Variants in CARD14 observed in about 807,000 individuals in gnomAD.
The protein encoded by CARD14 is caspase recruitment domain family member 14.
In CARD14, 107 loss-of-function variants were observed where a neutral mutation model predicts 111.5. The observed-to-expected ratio is 0.96, with a 90% confidence interval of 0.82 to 1.13. The LOEUF (loss-of-function observed/expected upper bound fraction) is 1.13. CARD14 is among the 50% of genes most tolerant of loss of function. The pLI is 0.00. For missense variants in CARD14, 1,322 were observed against 1,362.3 expected (o/e 0.97, Z 0.47); for synonymous variants, 617 against 579.6 (o/e 1.06, Z -0.93).
chr17:80,195,477 C>A lies in CARD14; in HGVS notation c.1500-81C>A, dbSNP rs2040678201. 1.3e-6 allele frequency: 2 copies of A among 1,512,642 alleles called. No homozygotes were observed. The highest frequency in any genetic ancestry group is 2.0e-5 in the Admixed American group (1 of 50,788). 93.7% of individuals were successfully genotyped at this position (1,512,642 alleles called of 1,614,324 possible). ...CTCGAAGCCCCAGAGCTGGCAGGTG[C>A]TGGGGGCCAGTGCTTGGGGCGTGGG... is the stretch of plus-strand genomic sequence containing the variant. On this transcript the variant is annotated intron_variant, in intron 13 of 23. Coordinates refer to ENST00000648509, the MANE Select transcript of CARD14 (RefSeq NM_001366385.1). This position sits in a 1 kb window ranked among gnomAD's most constrained non-coding sequence, Gnocchi z 4.7.
intron 7 of CARD14, among the ~76,000 whole-genome samples, chr17:80,186,947 AAC>A (rs1370811947): frequency 1.3e-5 from 2 of 152,214 alleles, no homozygotes; most frequent in Non-Finnish European, 2.9e-5. Context: ...AGAGCTAGGA[AAC>A]ACACACACAT....
In CARD14 at chr17:80,184,162, G is replaced by A. The variant is rs114688446; in HGVS notation, c.599G>A (p.Ser200Asn). ...EVLRLKDEMLSLSLHYSNALQ... is the reference protein window; with the variant it reads ...EVLRLKDEMLNLSLHYSNALQ... ...CTGAGGCTGAAGGACGAGATGCTCA[G>A]CCTCTCGCTGCACTATAGCAATGCG... is the stretch of plus-strand genomic sequence containing the variant. Residue 200 changes from serine to asparagine, a missense_variant, in exon 7 of 24, where the codon AGC becomes AAC. Physicochemically the swap from Ser to Asn is conservative, Grantham distance 46. Coordinates refer to ENST00000648509, the MANE Select transcript of CARD14 (RefSeq NM_001366385.1). The A allele has an allele frequency of 7.4e-3, 11,565 of 1,563,970 alleles. 74 individuals are homozygous for A. The highest frequency in any genetic ancestry group is 8.2e-3 in the South Asian group (693 of 84,802).
In CARD14 at chr17:80,205,602, G is replaced by C; in HGVS notation, c.2641G>C (p.Gly881Arg). ...CATCATCCAGGAGGGAGAGGTGTCC[G>C]GGGGCCGCTGCTGGGTGACCCGCCA... ...GDIIQEGEVS[G>R]GRCWVTRHAV... is the part of the protein sequence containing the mutation. Residue 881 changes from glycine to arginine, a missense_variant, in exon 22 of 24, where the codon GGG becomes CGG. Gly to Arg is a moderately radical substitution (Grantham distance 125). Coordinates refer to ENST00000648509, the MANE Select transcript of CARD14 (RefSeq NM_001366385.1). The C allele has an allele frequency of 1.3e-6, 2 of 1,568,974 alleles. No homozygotes were observed. The highest frequency in any genetic ancestry group is 1.7e-6 in the Non-Finnish European group (2 of 1,156,288).
chr17:80,204,424 G>A (rs1268681753), intron 20 of CARD14, 83 bp downstream of exon 20: 2 of 1,348,422 alleles, frequency 1.5e-6, no homozygotes, highest in African/African-American at 1.4e-5. Context: ...TGGTCAGCTG[G>A]GGCAGGGGGA....
intron 1 of CARD14, among the ~76,000 whole-genome samples, chr17:80,171,929 C>T (rs563365279): frequency 2.6e-5 from 4 of 152,198 alleles, no homozygotes; most frequent in Admixed American, 2.0e-4. Flanking sequence ...CCGGTCGTTG[C>T]CACCTGGACC....
At position 80,195,261 on chromosome 17, in the gene CARD14, C is replaced by T; in HGVS notation, c.1427C>T (p.Pro476Leu). ...ELVDSFRSSSPAPPSQQSLYK... is the reference protein window; with the variant it reads ...ELVDSFRSSSLAPPSQQSLYK... ...GTGGACAGCTTCCGCTCCAGCAGCC[C>T]CGCGCCCCCCAGCCAGCAGTCCCTG... The change falls in exon 13 of 24, where the codon CCC (proline) becomes CTC (leucine). Residue 476 changes from proline to leucine, a missense_variant. Physicochemically the swap from Pro to Leu is moderately conservative, Grantham distance 98 (BLOSUM62 -3). Transcript: ENST00000648509. This position sits in a 1 kb window ranked among gnomAD's most constrained non-coding sequence, Gnocchi z 4.7. The T allele has an allele frequency of 6.2e-7, 1 of 1,612,596 alleles. No homozygotes were observed. The highest frequency in any genetic ancestry group is 8.5e-7 in the Non-Finnish European group (1 of 1,179,890).
chr17:80,171,639 A>C (rs1477805041), intron 1 of CARD14, among the ~76,000 whole-genome samples: 1 of 152,200 alleles, frequency 6.6e-6, no homozygotes, highest in Admixed American at 6.5e-5. Context: ...AGTGACTTCT[A>C]TTTAGCTCCA....
In CARD14 at chr17:80,188,061, G is replaced by A. The variant is rs1214104863; in HGVS notation, c.676-316G>A. ...AGGGAGCATGCTGGCCATCACTGCC[G>A]GCTGCTCAGCTGTAGAGATCCAGGA... On this transcript the variant is annotated intron_variant, in intron 7 of 23. Transcript: ENST00000648509. This position sits in a 1 kb window ranked among gnomAD's most constrained non-coding sequence, Gnocchi z 4.5. The A allele has an allele frequency of 5.3e-6, 4 of 753,086 alleles. No homozygotes were observed. The highest frequency in any genetic ancestry group is 9.1e-5 in the East Asian group (1 of 10,990). 46.7% of individuals were successfully genotyped at this position (753,086 alleles called of 1,614,324 possible).
intron 4 of CARD14, 104 bp from the exon 5 acceptor site, chr17:80,181,315 G>A (rs546125727): frequency 3.4e-5 from 28 of 824,590 alleles, no homozygotes; most frequent in Admixed American, 1.2e-4. Context: ...CAAAGAGTGC[G>A]CCTTGCTAAT....
intron 6 of CARD14, among the ~76,000 whole-genome samples, chr17:80,183,474 G>T (rs984360289): frequency 2.0e-5 from 3 of 152,198 alleles, no homozygotes; most frequent in Non-Finnish European, 4.4e-5. Flanking sequence ...AGCACTGAGT[G>T]CATTTCAGCT....
Position 80,205,117 on chromosome 17 carries a change from C to A in CARD14, c.2481C>A (p.Pro827=). Residue 827 remains proline (P), a synonymous_variant, in exon 21 of 24, where the codon CCC becomes CCA. Transcript: ENST00000648509. ...TGCGGCCCCATCGACCCGCCCGGCC[C>A]CGGCCTGTGCTCCTCGTGCCCAGGG... is the stretch of plus-strand genomic sequence containing the variant. ...TLVRPHRPAR[P]RPVLLVPRAV... 6.2e-7 allele frequency: 1 copy of A among 1,613,634 alleles called. No homozygotes were observed.
At position 80,182,615 on chromosome 17, in the gene CARD14, G is replaced by A; in HGVS notation, c.212-38G>A. 1.2e-6 allele frequency: 2 copies of A among 1,610,914 alleles called. No homozygotes were observed. The highest frequency in any genetic ancestry group is 1.1e-5 in the South Asian group (1 of 90,612). On this transcript the variant is annotated intron_variant, in intron 5 of 23. Transcript: ENST00000648509. This position sits in a 1 kb window ranked among gnomAD's most constrained non-coding sequence, Gnocchi z 4.7. ...GCCAGGGAGCCCAGCCCCCTTGGTAGCTGGGTTCTGCCCAGACAGACGGTT... is the reference window on the plus strand; with the variant it reads ...GCCAGGGAGCCCAGCCCCCTTGGTAACTGGGTTCTGCCCAGACAGACGGTT...
In CARD14 at chr17:80,195,824, C is replaced by A; in HGVS notation, c.1594+172C>A. ...GACCTTGCACTTTGGGAAAGTCCCG[C>A]CTGCCAGCCAGCGTAAGCCAAAGGC... On this transcript the variant is annotated intron_variant, in intron 14 of 23. Transcript: ENST00000648509. This position sits in a 1 kb window ranked among gnomAD's most constrained non-coding sequence, Gnocchi z 4.7. 1 of 610,360 alleles carries A rather than the reference C, an allele frequency of 1.6e-6. No homozygotes were observed. Among genetic ancestry groups the A allele is most frequent in the Non-Finnish European group, 2.9e-6 (1 of 348,660 alleles). 37.8% of individuals were successfully genotyped at this position (610,360 alleles called of 1,614,324 possible). A position where few individuals can be genotyped will look rare whatever the true frequency, so the allele number is the denominator to read the frequency against.
intron 12 of CARD14, among the ~76,000 whole-genome samples, chr17:80,194,978 T>C (rs946999258): frequency 6.6e-6 from 1 of 152,202 alleles, no homozygotes; most frequent in Non-Finnish European, 1.5e-5. Flanking sequence ...ACATACAGCA[T>C]GTGTCAGTGC....
rs577639007 is a variant in CARD14, at chr17:80,187,439, A to G, written c.676-938A>G. The stretch of plus-strand genomic sequence containing the variant: ...CGTTGTGGTTATGGCGTCTGTTGGA[A>G]ATAGAATTCGGTTCATTTGTTCTGG... On this transcript the variant is annotated intron_variant, in intron 7 of 23. Transcript: ENST00000648509. Among the ~76,000 whole-genome samples, 4 of 152,344 alleles carry G rather than the reference A, an allele frequency of 2.6e-5. No homozygotes were observed. The South Asian group carries it at 8.3e-4, about 32-fold the overall frequency.
In CARD14 at chr17:80,203,806, C is replaced by T. The variant is rs771631762; in HGVS notation, c.2220-16C>T. 12 of 1,560,430 alleles carry T rather than the reference C, an allele frequency of 7.7e-6. No homozygotes were observed. Among genetic ancestry groups the T allele is most frequent in the Non-Finnish European group, 8.7e-6 (10 of 1,151,928 alleles). On this transcript the variant is annotated splice_polypyrimidine_tract_variant and intron_variant, in intron 18 of 23. Transcript: ENST00000648509. This position sits in a 1 kb window ranked among gnomAD's most constrained non-coding sequence, Gnocchi z 4.6. Reference sequence around the variant, plus strand: ...GCAGGAGGCAGCTGGGTCAGGGCCTCTGCTGGTCTCTGCAGGGCTCAGCAG... The same window carrying T: ...GCAGGAGGCAGCTGGGTCAGGGCCTTTGCTGGTCTCTGCAGGGCTCAGCAG...
rs2040456173 is a variant in CARD14, at chr17:80,189,704, C to G, written c.844-49C>G. ...TTCTCGGGATTCTGCTTGCCTAGGG[C>G]AGGCCTCTGGGGAAGCCAGCACCCC... On this transcript the variant is annotated intron_variant, in intron 8 of 23. Transcript: ENST00000648509. This position sits in a 1 kb window ranked among gnomAD's most constrained non-coding sequence, Gnocchi z 4.7. 5 of 1,488,468 alleles carry G rather than the reference C, an allele frequency of 3.4e-6. No homozygotes were observed. The highest frequency in any genetic ancestry group is 2.1e-4 in the Middle Eastern group (1 of 4,842). The allele number at this position is 1,488,468 out of a possible 1,614,324, so 92.2% of individuals were successfully genotyped here.
chr17:80,181,727 G>A (rs2040183655), intron 5 of CARD14, 78 bp downstream of exon 5: 1 of 1,325,542 alleles, frequency 7.5e-7, no homozygotes, highest in African/African-American at 1.5e-5. Flanking sequence ...TCTGTCTTCA[G>A]GGGGTCTCTT....
intron 16 of CARD14, among the ~76,000 whole-genome samples, chr17:80,200,078 C>A (rs2040888420): frequency 6.6e-6 from 1 of 151,846 alleles, no homozygotes; most frequent in Admixed American, 6.6e-5. Flanking sequence ...ACCCCTCAGG[C>A]AGGAGTGTTC....
Sources: gnomAD v4.1 joint callset for allele counts (sites outside exome capture counted in the v4.1 genomes callset) on GRCh38, gnomAD v4.1.1 for gene constraint, Gnocchi (gnomAD v3.1) non-coding constraint, MANE v1.5 for transcripts, NCBI Gene and HGNC (gene_info 2026-07-23, HGNC 2026-07-21) for gene names.